Variants in AKAP8L observed in about 807,000 individuals in gnomAD.
The protein encoded by AKAP8L is A-kinase anchor protein 8-like.
Under a neutral mutation model 77.5 loss-of-function variants are expected in AKAP8L, and 34 were observed. That is an observed-to-expected ratio of 0.44 (90% CI 0.33 to 0.58). AKAP8L has a LOEUF of 0.58. Among genes scored for constraint, AKAP8L ranks in the 20% least tolerant of loss-of-function variants. The pLI, the probability that AKAP8L is intolerant of heterozygous loss-of-function variation, is 0.02. For missense variants in AKAP8L, 806 were observed against 887.6 expected (o/e 0.91, Z 1.17); for synonymous variants, 342 against 340.7 (o/e 1.00, Z -0.04).
intron 1 of AKAP8L, among the ~76,000 whole-genome samples, chr19:15,416,060 CA>C (rs1374901971): frequency 6.6e-6 from 1 of 151,882 alleles, no homozygotes; most frequent in Non-Finnish European, 1.5e-5. Flanking sequence ...CTCCTGGCCT[CA>C]AGCAATCTTC....
chr19:15,405,390 A>C (rs1376147920), intron 2 of AKAP8L, among the ~76,000 whole-genome samples: 3 of 151,994 alleles, frequency 2.0e-5, no homozygotes, highest in African/African-American at 4.8e-5. Context: ...AAAATTAGCC[A>C]GGCGTGGTGG....
chr19:15,398,516 T>G lies in AKAP8L; in HGVS notation c.1158-661A>C. On this transcript the variant is annotated intron_variant, in intron 9 of 13. Coordinates refer to ENST00000397410, the MANE Select transcript of AKAP8L (RefSeq NM_014371.4). The surrounding 1 kb of genome is among the most constrained non-coding windows in gnomAD (Gnocchi z 9.2). ...AGTCACCTGGGCGAGGTGCTCTGTCTGGGCCTGGTGTCCACAGTAGAAGCC... is the reference window on the plus strand; with the variant it reads ...AGTCACCTGGGCGAGGTGCTCTGTCGGGGCCTGGTGTCCACAGTAGAAGCC... The G allele has an allele frequency of 2.1e-6, 2 of 946,046 alleles. No individual in the cohort carries two copies. The highest frequency in any genetic ancestry group is 2.5e-6 in the Non-Finnish European group (2 of 793,584). 58.6% of individuals were successfully genotyped at this position (946,046 alleles called of 1,614,324 possible).
chr19:15,380,774 C>G (rs1031660963), intron 12 of AKAP8L, 162 bp from the exon 13 acceptor site: 19 of 617,728 alleles, frequency 3.1e-5, no homozygotes, highest in Non-Finnish European at 5.2e-5. Flanking sequence ...CACAACCTAT[C>G]TGATCTTTGT....
At chr19:15,418,357 G>C (rs960544278) in intron 1 of AKAP8L, among the ~76,000 whole-genome samples, 3 of 152,202 alleles carry the variant, frequency 2.0e-5, no homozygotes, top group African/African-American at 7.2e-5. Flanking sequence ...AGGGGCCCAA[G>C]GCTCCCCGCT....
rs1240754923 is a variant in AKAP8L at position 15,399,666 on chromosome 19, C to T, written c.1049-256G>A. The T allele has an allele frequency of 1.9e-6, 1 of 514,144 alleles. No individual in the cohort carries two copies. The highest frequency in any genetic ancestry group is 5.4e-4 in the Middle Eastern group (1 of 1,864). 31.8% of individuals were successfully genotyped at this position (514,144 alleles called of 1,614,324 possible). On this transcript the variant is annotated intron_variant, in intron 8 of 13. Coordinates refer to ENST00000397410, the MANE Select transcript of AKAP8L (RefSeq NM_014371.4). The surrounding 1 kb of genome is among the most constrained non-coding windows in gnomAD (Gnocchi z 6.1). ...ACACCCATGCTCTCTGTGCAGTGGG[C>T]CAGGAGGAGGCTGGAAAGCAAAGAG...
intron 2 of AKAP8L, among the ~76,000 whole-genome samples, chr19:15,406,519 T>C (rs1466077251): frequency 1.3e-5 from 2 of 151,468 alleles, no homozygotes; most frequent in East Asian, 3.9e-4. Context: ...CAGGCTGGAG[T>C]GTAATGGTGT....
Position 15,401,832 on chromosome 19 carries a change from A to G in AKAP8L, c.363-229T>C, listed in dbSNP as rs1967907890. Among the ~76,000 whole-genome samples the G allele has an allele frequency of 6.6e-6, 1 of 152,232 alleles. No homozygotes were observed. Among genetic ancestry groups the G allele is most frequent in the Non-Finnish European group, 1.5e-5 (1 of 68,028 alleles). On this transcript the variant is annotated intron_variant, in intron 4 of 13. Transcript: ENST00000397410. The surrounding 1 kb of genome is among the most constrained non-coding windows in gnomAD (Gnocchi z 6.2). ...CACTGGCTTGGGGACCCTAAGAAGG[A>G]CTGAAGGACTGATAACTGGGGTGGA...
Position 15,398,586 on chromosome 19 carries a change from C to A in AKAP8L, c.1157+716G>T. The A allele has an allele frequency of 3.0e-6, 3 of 985,634 alleles. No homozygotes were observed. The highest frequency in any genetic ancestry group is 3.6e-6 in the Non-Finnish European group (3 of 830,474). 61.1% of individuals were successfully genotyped at this position (985,634 alleles called of 1,614,324 possible). Reference sequence around the variant, plus strand: ...CGGAGCAGGCCGCCGTGGCAAGGGGCGGAGGAGGCCAGCCGCCACCGAGAC... The same window carrying A: ...CGGAGCAGGCCGCCGTGGCAAGGGGAGGAGGAGGCCAGCCGCCACCGAGAC... On this transcript the variant is annotated intron_variant, in intron 9 of 13. Coordinates refer to ENST00000397410, the MANE Select transcript of AKAP8L (RefSeq NM_014371.4). The surrounding 1 kb of genome is among the most constrained non-coding windows in gnomAD (Gnocchi z 9.2).
In AKAP8L at chr19:15,397,869, G is replaced by C; in HGVS notation, c.1158-14C>G. On this transcript the variant is annotated splice_polypyrimidine_tract_variant and intron_variant, in intron 9 of 13. Transcript: ENST00000397410. The surrounding 1 kb of genome is among the most constrained non-coding windows in gnomAD (Gnocchi z 4.7). ...ACAAACTGGATCCTGCCACAGGAAG[G>C]AAACGAGGGGCTGAGGCTGCAAGTG... 1 of 1,612,774 alleles carries C rather than the reference G, an allele frequency of 6.2e-7. No individual in the cohort carries two copies.
At chr19:15,381,610 T>C (rs1180451925) in intron 12 of AKAP8L, among the ~76,000 whole-genome samples, 1 of 152,002 alleles carries the variant, frequency 6.6e-6, no homozygotes, top group Non-Finnish European at 1.5e-5. Flanking sequence ...TTCTACTCTC[T>C]CCATCTTCAT....
Position 15,403,591 on chromosome 19 carries a change from G to C in AKAP8L, c.246C>G (p.Ala82=). 6.2e-7 allele frequency: 1 copy of C among 1,613,964 alleles called. No individual in the cohort carries two copies. The highest frequency in any genetic ancestry group is 8.5e-7 in the Non-Finnish European group (1 of 1,179,892). The change falls in exon 4 of 14, where the codon GCC becomes GCG. Residue 82 remains alanine (A), a synonymous_variant. Coordinates refer to ENST00000397410, the MANE Select transcript of AKAP8L (RefSeq NM_014371.4). This position sits in a 1 kb window ranked among gnomAD's most constrained non-coding sequence, Gnocchi z 4.3. ...PSSDTNANTS[A]SGSASADSVL... is the part of the protein sequence containing the mutation. Reference sequence around the variant, plus strand: ...CGGAATCGGCACTGGCGCTACCCGAGGCACTAGTGTTTGCATTTGTGTCAG... The same window carrying C: ...CGGAATCGGCACTGGCGCTACCCGACGCACTAGTGTTTGCATTTGTGTCAG...
chr19:15,413,017 G>GCAC (rs1252056634), intron 1 of AKAP8L, among the ~76,000 whole-genome samples: 1 of 152,186 alleles, frequency 6.6e-6, no homozygotes, highest in Non-Finnish European at 1.5e-5. Context: ...CTGGGTAAGC[G>GCAC]TTCTCTTATT....
At position 15,400,409 on chromosome 19, in the gene AKAP8L, T is replaced by A. The variant is rs561264850; in HGVS notation, c.985-51A>T. 1.1e-3 allele frequency: 1,451 copies of A among 1,348,972 alleles called. 1 individual carries two copies. Among genetic ancestry groups the A allele is most frequent in the African/African-American group, 5.5e-3 (375 of 67,656 alleles). 83.6% of individuals were successfully genotyped at this position (1,348,972 alleles called of 1,614,324 possible). ...AAACAGGTGCCTTTTTTTTTTTTTT[T>A]AAAAGAAACCAAGTTTATTAGAGCA... On this transcript the variant is annotated intron_variant, in intron 7 of 13. Transcript: ENST00000397410.
intron 12 of AKAP8L, among the ~76,000 whole-genome samples, chr19:15,388,127 C>T (rs1008369125): frequency 1.3e-5 from 2 of 151,994 alleles, no homozygotes; most frequent in African/African-American, 2.4e-5. Flanking sequence ...GGAAAAAGAG[C>T]GAGCCCATGG....
intron 12 of AKAP8L, among the ~76,000 whole-genome samples, chr19:15,384,734 C>T (rs1334025522): frequency 6.6e-6 from 1 of 152,214 alleles, no homozygotes. Flanking sequence ...TTTTTGTACG[C>T]TATTTTGAAT....
intron 2 of AKAP8L, among the ~76,000 whole-genome samples, chr19:15,408,899 G>T (rs1049104922): frequency 2.0e-5 from 3 of 151,388 alleles, no homozygotes; most frequent in African/African-American, 4.8e-5. Context: ...AAGAAAAAAT[G>T]GTTTTGTTTT....
chr19:15,398,703 G>A lies in AKAP8L; in HGVS notation c.1157+599C>T. ...AGCCCAGGGGCCGGGCGCCGGCGAGGCTGAGGAAGGTCCAGCAAGAGCAAG... is the reference window on the plus strand; with the variant it reads ...AGCCCAGGGGCCGGGCGCCGGCGAGACTGAGGAAGGTCCAGCAAGAGCAAG... On this transcript the variant is annotated intron_variant, in intron 9 of 13. Coordinates refer to ENST00000397410, the MANE Select transcript of AKAP8L (RefSeq NM_014371.4). This position sits in a 1 kb window ranked among gnomAD's most constrained non-coding sequence, Gnocchi z 9.2. 1.0e-6 allele frequency: 1 copy of A among 988,258 alleles called. No individual in the cohort carries two copies. The highest frequency in any genetic ancestry group is 1.2e-6 in the Non-Finnish European group (1 of 831,862). The allele number at this position is 988,258 out of a possible 1,614,324, so 61.2% of individuals were successfully genotyped here. A position where few individuals can be genotyped will look rare whatever the true frequency, so the allele number is the denominator to read the frequency against.
At chr19:15,385,127 AC>A (rs1967504212) in intron 12 of AKAP8L, among the ~76,000 whole-genome samples, 1 of 151,396 alleles carries the variant, frequency 6.6e-6, no homozygotes, top group African/African-American at 2.4e-5. Flanking sequence ...ACAGGCGCCC[AC>A]CACCACGCCC....
chr19:15,393,397 G>A (rs1213775069), intron 12 of AKAP8L, among the ~76,000 whole-genome samples: 1 of 152,128 alleles, frequency 6.6e-6, no homozygotes, highest in South Asian at 2.1e-4. Context: ...AAAACCCACA[G>A]AATGGGTGAA....
Sources: allele counts gnomAD v4.1 joint callset (sites outside exome capture counted in the v4.1 genomes callset), GRCh38; gene constraint gnomAD v4.1.1; non-coding constraint Gnocchi (gnomAD v3.1); transcripts MANE v1.5; gene names NCBI Gene and HGNC (gene_info 2026-07-23, HGNC 2026-07-21).